Variants in ARHGAP26 observed in about 807,000 individuals in gnomAD.
The protein encoded by ARHGAP26 is rho GTPase-activating protein 26.
In ARHGAP26, 38 loss-of-function variants were observed where a neutral mutation model predicts 104.8. The observed-to-expected ratio is 0.36, with a 90% CI of 0.28 to 0.48. ARHGAP26 has a LOEUF of 0.48. ARHGAP26 is among the 20% of genes least tolerant of loss of function. ARHGAP26 has a pLI of 0.99. For missense variants in ARHGAP26, 704 were observed against 947.9 expected, an observed-to-expected ratio of 0.74 and a Z score of 3.38; for synonymous variants, 341 against 340.0, an observed-to-expected ratio of 1.00 and a Z score of -0.03.
At chr5:142,812,613 T>C (rs540166838) in intron 1 of ARHGAP26, among the ~76,000 whole-genome samples, 1 of 152,194 alleles carries the variant, frequency 6.6e-6, no homozygotes, top group South Asian at 2.1e-4. Context: ...CCTGGAATTA[T>C]GGGCATGAGC....
intron 17 of ARHGAP26, among the ~76,000 whole-genome samples, chr5:143,079,352 C>G (rs1789484129): frequency 6.6e-6 from 1 of 152,232 alleles, no homozygotes. Flanking sequence ...TTCTCCTTCT[C>G]TGTTTCCAGC....
At chr5:143,065,379 T>C (rs1184080099) in intron 17 of ARHGAP26, among the ~76,000 whole-genome samples, 2 of 152,180 alleles carry the variant, frequency 1.3e-5, no homozygotes, top group African/African-American at 4.8e-5. Context: ...TGTTCTTACA[T>C]TGACTGGTTA....
chr5:143,095,139 A>G (rs1193792513), intron 17 of ARHGAP26, among the ~76,000 whole-genome samples: 3 of 150,520 alleles, frequency 2.0e-5, no homozygotes, highest in African/African-American at 7.3e-5. Flanking sequence ...AGATATATTC[A>G]TATATTCATT....
intron 17 of ARHGAP26, among the ~76,000 whole-genome samples, chr5:143,102,401 A>G (rs534487488): frequency 6.6e-6 from 1 of 152,162 alleles, no homozygotes; most frequent in Non-Finnish European, 1.5e-5. Flanking sequence ...GTCGGCCCCA[A>G]ACATGCAGAA....
chr5:142,773,274 A>T (rs1755623909), intron 1 of ARHGAP26, among the ~76,000 whole-genome samples: 1 of 152,264 alleles, frequency 6.6e-6, no homozygotes, highest in Non-Finnish European at 1.5e-5. Context: ...ACATAATTAT[A>T]TAAACACTGG....
At chr5:143,109,532 G>GCAA (rs1794503765) in intron 17 of ARHGAP26, among the ~76,000 whole-genome samples, 1 of 151,916 alleles carries the variant, frequency 6.6e-6, no homozygotes, top group Non-Finnish European at 1.5e-5. Context: ...TCAGCTCACT[G>GCAA]CAACCTCCAT....
intron 14 of ARHGAP26, among the ~76,000 whole-genome samples, chr5:143,049,493 A>G (rs1338326260): frequency 2.0e-5 from 3 of 152,092 alleles, no homozygotes; most frequent in African/African-American, 4.8e-5. Flanking sequence ...GGTTCCTGGC[A>G]TCCATATTTT....
At chr5:142,942,310 T>G (rs1766474177) in intron 11 of ARHGAP26, among the ~76,000 whole-genome samples, 2 of 152,204 alleles carry the variant, frequency 1.3e-5, no homozygotes, top group African/African-American at 4.8e-5. Context: ...AGAATAATGC[T>G]TTTACATGTA....
intron 1 of ARHGAP26, among the ~76,000 whole-genome samples, chr5:142,793,606 G>A (rs536025760): frequency 1.3e-5 from 2 of 150,514 alleles, no homozygotes; most frequent in Admixed American, 1.3e-4. Context: ...TCTTTTTTTC[G>A]AGACAGAGTC....
chr5:143,121,879 G>A (rs1055640277), intron 18 of ARHGAP26, among the ~76,000 whole-genome samples: 3 of 152,120 alleles, frequency 2.0e-5, no homozygotes, highest in African/African-American at 7.2e-5. Flanking sequence ...GTTCCCTAAA[G>A]CACCATTTGG....
intron 12 of ARHGAP26, among the ~76,000 whole-genome samples, chr5:143,019,024 T>C (rs1435352025): frequency 6.6e-6 from 1 of 152,234 alleles, no homozygotes; most frequent in Non-Finnish European, 1.5e-5. Context: ...TTTTTCTGCC[T>C]AGAGATCGTG....
rs969238102 is a variant in ARHGAP26, at chr5:142,990,733, G to A, written c.1108-23347G>A. Among the ~76,000 whole-genome samples, 4 of 152,184 alleles carry A rather than the reference G, an allele frequency of 2.6e-5. No individual in the cohort carries two copies. In the South Asian group the frequency reaches 8.3e-4, roughly 32 times the overall value. Reference sequence around the variant, plus strand: ...TGGGGTTCGCTGGAGGTCCACTCCAGACCCTGTTTGCCTGAGTATCACCAG... The same window carrying A: ...TGGGGTTCGCTGGAGGTCCACTCCAAACCCTGTTTGCCTGAGTATCACCAG... On this transcript the variant is annotated intron_variant, in intron 11 of 22. Transcript: ENST00000645722.
rs565326596 is a variant in ARHGAP26, at chr5:143,140,959, CA to C, written c.1838-6269del. Among the ~76,000 whole-genome samples the C allele has an allele frequency of 4.3e-4, 65 of 152,338 alleles. 1 individual carries two copies. The highest frequency in any genetic ancestry group is 1.4e-3 in the African/African-American group (58 of 41,570). ...AAAATGACTGGGAATTCATACTATTCAAAGGCTTACGTAATGCCTTTCTCTG... is the reference window on the plus strand; with the variant it reads ...AAAATGACTGGGAATTCATACTATTCAAGGCTTACGTAATGCCTTTCTCTG... On this transcript the variant is annotated intron_variant, in intron 19 of 22. Coordinates refer to ENST00000645722, the MANE Select transcript of ARHGAP26 (RefSeq NM_001135608.3).
At chr5:143,198,271 T>G (rs1474224051) in intron 20 of ARHGAP26, among the ~76,000 whole-genome samples, 1 of 152,234 alleles carries the variant, frequency 6.6e-6, no homozygotes, top group African/African-American at 2.4e-5. Context: ...TATTCAGATC[T>G]TTTGAGATAG....
intron 6 of ARHGAP26, among the ~76,000 whole-genome samples, chr5:142,899,967 A>G (rs1415322373): frequency 6.6e-6 from 1 of 152,214 alleles, no homozygotes; most frequent in Non-Finnish European, 1.5e-5. Context: ...GTTTACTATG[A>G]GTGAAGGATA....
chr5:143,016,829 C>G (rs1431952920), intron 12 of ARHGAP26, among the ~76,000 whole-genome samples: 2 of 152,088 alleles, frequency 1.3e-5, no homozygotes, highest in Non-Finnish European at 2.9e-5. Flanking sequence ...GCTTCCTCAC[C>G]CTTTTTTGAG....
chr5:142,924,479 G>A (rs1011687826), intron 10 of ARHGAP26, among the ~76,000 whole-genome samples: 3 of 152,236 alleles, frequency 2.0e-5, no homozygotes, highest in African/African-American at 7.2e-5. Context: ...AATAATGGTA[G>A]TGTCTACTTC....
intron 14 of ARHGAP26, among the ~76,000 whole-genome samples, chr5:143,046,475 C>A (rs1324077895): frequency 6.6e-6 from 1 of 152,148 alleles, no homozygotes; most frequent in Admixed American, 6.5e-5. Flanking sequence ...AGAAAGCTTG[C>A]TAAAATTCCT....
At chr5:142,860,094 G>A (rs574665064) in intron 1 of ARHGAP26, 3 of 152,210 alleles carry the variant, frequency 2.0e-5, no homozygotes, top group Non-Finnish European at 4.4e-5. Flanking sequence ...CAGTGCGCCC[G>A]CATGACATCC....
Sources: allele counts gnomAD v4.1 joint callset (sites outside exome capture counted in the v4.1 genomes callset), GRCh38; gene constraint gnomAD v4.1.1; transcripts MANE v1.5; gene names NCBI Gene and HGNC (gene_info 2026-07-23, HGNC 2026-07-21).